Variants in RAD51B observed in about 807,000 individuals in gnomAD.
RAD51B encodes the protein DNA repair protein RAD51 homolog 2.
RAD51B carries 38 observed loss-of-function variants against 42.2 expected under a neutral mutation model. The ratio of observed to expected loss-of-function variants is 0.90; its 90% CI spans 0.70 to 1.18. The LOEUF is 1.18. Ranked by LOEUF, RAD51B falls within the 50% of genes most tolerant of loss-of-function variation. The pLI is 0.00. For synonymous variants in RAD51B, 154 were observed against 145.2 expected (o/e 1.06, Z -0.43); for missense variants, 373 against 400.7 (o/e 0.93, Z 0.59).
chr14:68,143,023 G>A (rs113761324), intron 7 of RAD51B, among the ~76,000 whole-genome samples: 8,435 of 151,574 alleles, frequency 0.056, 280 homozygotes, highest in Non-Finnish European at 0.077. Flanking sequence ...GAGGGGGTGG[G>A]GGGGGAGTTA....
At chr14:68,143,821 C>CTT (rs1401110154) in intron 7 of RAD51B, among the ~76,000 whole-genome samples, 2 of 152,174 alleles carry the variant, frequency 1.3e-5, no homozygotes, top group Non-Finnish European at 2.9e-5. Flanking sequence ...TGTGTGGACT[C>CTT]TATCAGAACC....
intron 9 of RAD51B, among the ~76,000 whole-genome samples, chr14:68,461,558 G>A (rs947199005): frequency 2.0e-5 from 3 of 152,060 alleles, no homozygotes; most frequent in South Asian, 2.1e-4. Context: ...GAAGATTAAC[G>A]TCCATTGGTT....
At chr14:68,408,039 A>T (rs2084324040) in intron 8 of RAD51B, among the ~76,000 whole-genome samples, 2 of 152,154 alleles carry the variant, frequency 1.3e-5, no homozygotes, top group Admixed American at 6.5e-5. Flanking sequence ...AGTAAAACAG[A>T]GGGTGGCTTT....
intron 8 of RAD51B, among the ~76,000 whole-genome samples, chr14:68,398,260 G>A (rs1370672052): frequency 1.3e-5 from 2 of 152,202 alleles, no homozygotes; most frequent in African/African-American, 4.8e-5. Context: ...CATGTTGTGG[G>A]ATCAAAGGAA....
chr14:68,119,041 C>T (rs2077597878), intron 7 of RAD51B, among the ~76,000 whole-genome samples: 1 of 151,900 alleles, frequency 6.6e-6, no homozygotes, highest in Non-Finnish European at 1.5e-5. Flanking sequence ...ACTGCAGCCT[C>T]GACCTCCCTG....
At chr14:67,911,625 T>C (rs972882592) in intron 7 of RAD51B, among the ~76,000 whole-genome samples, 1 of 152,230 alleles carries the variant, frequency 6.6e-6, no homozygotes, top group Admixed American at 6.5e-5. Context: ...TATACTTTGA[T>C]ATGATTTTTT....
intron 7 of RAD51B, among the ~76,000 whole-genome samples, chr14:68,191,028 A>G (rs1344349400): frequency 1.7e-5 from 1 of 60,098 alleles, no homozygotes; most frequent in Non-Finnish European, 3.9e-5. Context: ...CTATATTACT[A>G]CAAGCTTTTT....
In RAD51B at chr14:68,340,040, TG is replaced by T. The variant is rs544454202; in HGVS notation, c.853+48061del. Among the ~76,000 whole-genome samples the T allele has an allele frequency of 8.5e-5, 13 of 152,350 alleles. No homozygotes were observed. The East Asian group carries it at 2.5e-3, about 29-fold the overall frequency. ...AAAGAAGAAATGTTTTTAGGAGGAA[TG>T]TAACATAGTGCCTGGCACATGGTTA... is the stretch of plus-strand genomic sequence containing the variant. On this transcript the variant is annotated intron_variant, in intron 8 of 10. Transcript: ENST00000471583.
At chr14:68,254,136 TG>T (rs1000895779) in intron 7 of RAD51B, among the ~76,000 whole-genome samples, 4 of 152,218 alleles carry the variant, frequency 2.6e-5, no homozygotes, top group Admixed American at 2.0e-4. Flanking sequence ...TGCCACTTCA[TG>T]TTACTTGTTT....
intron 5 of RAD51B, among the ~76,000 whole-genome samples, chr14:67,881,371 G>A (rs2042900967): frequency 6.6e-6 from 1 of 152,142 alleles, no homozygotes; most frequent in Admixed American, 6.5e-5. Flanking sequence ...GTGGGCACTA[G>A]GAAGTGTTCA....
intron 10 of RAD51B, among the ~76,000 whole-genome samples, chr14:68,602,503 TA>T (rs1891261358): frequency 7.6e-6 from 1 of 132,110 alleles, no homozygotes; most frequent in Non-Finnish European, 1.8e-5. Flanking sequence ...GATGGATGGA[TA>T]GCTAGATAGA....
chr14:67,996,896 A>G (rs1330226097), intron 7 of RAD51B, among the ~76,000 whole-genome samples: 1 of 152,192 alleles, frequency 6.6e-6, no homozygotes, highest in Non-Finnish European at 1.5e-5. Flanking sequence ...TGAGCTGTGG[A>G]TTCTAGAATT....
At chr14:68,258,811 TG>T in intron 7 of RAD51B, among the ~76,000 whole-genome samples, 1 of 152,310 alleles carries the variant, frequency 6.6e-6, no homozygotes, top group Non-Finnish European at 1.5e-5. Context: ...TAGACTTTTG[TG>T]GTCTTAAGGA....
At chr14:67,912,276 G>A (rs1387113776) in intron 7 of RAD51B, among the ~76,000 whole-genome samples, 1 of 152,100 alleles carries the variant, frequency 6.6e-6, no homozygotes, top group African/African-American at 2.4e-5. Flanking sequence ...ACTCGGAAAG[G>A]TCTTAGTTTT....
intron 10 of RAD51B, chr14:68,470,854 C>G (rs1407214106): frequency 2.7e-6 from 1 of 366,124 alleles, no homozygotes; most frequent in Non-Finnish European, 5.1e-6. Context: ...TTGTCCGATC[C>G]TCCTAGGAGA....
intron 7 of RAD51B, among the ~76,000 whole-genome samples, chr14:68,196,615 C>G (rs1030391138): frequency 2.0e-5 from 3 of 152,002 alleles, no homozygotes; most frequent in African/African-American, 7.2e-5. Context: ...ATTCCTCTTC[C>G]TCCTCTTTTT....
intron 7 of RAD51B, among the ~76,000 whole-genome samples, chr14:67,896,662 A>G (rs1321517919): frequency 6.6e-6 from 1 of 152,192 alleles, no homozygotes; most frequent in East Asian, 1.9e-4. Flanking sequence ...TTGAAATAGA[A>G]TATTGGCTGT....
At chr14:68,194,635 T>C (rs2079333054) in intron 7 of RAD51B, among the ~76,000 whole-genome samples, 1 of 152,200 alleles carries the variant, frequency 6.6e-6, no homozygotes, top group South Asian at 2.1e-4. Context: ...CTCTACCAAA[T>C]ACACAGGAAT....
chr14:68,024,831 T>C (rs1220726169), intron 7 of RAD51B, among the ~76,000 whole-genome samples: 1 of 152,104 alleles, frequency 6.6e-6, no homozygotes, highest in Non-Finnish European at 1.5e-5. Flanking sequence ...GGATGCCTTT[T>C]TATTTATTTT....
Sources: gnomAD v4.1 joint callset for allele counts (sites outside exome capture counted in the v4.1 genomes callset) on GRCh38, gnomAD v4.1.1 for gene constraint, MANE v1.5 for transcripts, NCBI Gene and HGNC (gene_info 2026-07-23, HGNC 2026-07-21) for gene names.